SDCCAG8: variants seen among roughly 807,000 people sequenced by gnomAD.
SDCCAG8 encodes serologically defined colon cancer antigen 8.
In SDCCAG8, 74 loss-of-function variants were observed where a neutral mutation model predicts 101.8. The ratio of observed to expected loss-of-function variants is 0.73; its 90% CI spans 0.60 to 0.88. The LOEUF (loss-of-function observed/expected upper bound fraction) is 0.88, where lower values mean the gene tolerates loss of function less well. Among genes scored for constraint, SDCCAG8 ranks in the 40% least tolerant of loss-of-function variants. SDCCAG8 has a pLI of 0.00. For missense variants in SDCCAG8, 787 were observed against 822.6 expected (o/e 0.96, Z 0.53); for synonymous variants, 281 against 292.9 (o/e 0.96, Z 0.41).
chr1:243,309,017 T>C (rs1172511784), intron 8 of SDCCAG8, among the ~76,000 whole-genome samples: 2 of 152,202 alleles, frequency 1.3e-5, no homozygotes, highest in East Asian at 3.9e-4. Context: ...CTTAGGTTCC[T>C]TTCTTCTGTG....
At chr1:243,376,308 C>A (rs1335477626) in intron 12 of SDCCAG8, among the ~76,000 whole-genome samples, 2 of 152,186 alleles carry the variant, frequency 1.3e-5, no homozygotes, top group African/African-American at 4.8e-5. Context: ...AGCTTGTTAT[C>A]ACTCCGATTT....
intron 8 of SDCCAG8, among the ~76,000 whole-genome samples, chr1:243,315,635 A>C (rs1190484237): frequency 6.6e-6 from 1 of 152,186 alleles, no homozygotes; most frequent in East Asian, 1.9e-4. Flanking sequence ...TTTTACCTTT[A>C]AGAGATGTTT....
chr1:243,271,213 C>T, intron 3 of SDCCAG8, 150 bp downstream of exon 3: 1 of 639,898 alleles, frequency 1.6e-6, no homozygotes, highest in Non-Finnish European at 2.8e-6. Flanking sequence ...ATTATTTTGG[C>T]TGAAAAAATA....
chr1:243,403,851 C>T (rs1426730856), intron 13 of SDCCAG8, among the ~76,000 whole-genome samples: 1 of 152,170 alleles, frequency 6.6e-6, no homozygotes, highest in Non-Finnish European at 1.5e-5. Context: ...TTATATGTTA[C>T]AGTGTAATAA....
chr1:243,411,082 C>G (rs112107182), intron 13 of SDCCAG8, among the ~76,000 whole-genome samples: 1 of 151,990 alleles, frequency 6.6e-6, no homozygotes, highest in African/African-American at 2.4e-5. Context: ...TATTCTAGAC[C>G]ATTTGCTCCT....
intron 11 of SDCCAG8, among the ~76,000 whole-genome samples, chr1:243,342,042 A>G (rs532354314): frequency 6.6e-6 from 1 of 152,316 alleles, no homozygotes; most frequent in South Asian, 2.1e-4. Context: ...AAAGGGAGCC[A>G]TTTTACCCTT....
intron 13 of SDCCAG8, among the ~76,000 whole-genome samples, chr1:243,408,423 A>C (rs2079939799): frequency 6.6e-6 from 1 of 152,220 alleles, no homozygotes; most frequent in African/African-American, 2.4e-5. Flanking sequence ...TATGTCTTCG[A>C]GAAGGACACA....
chr1:243,483,435 G>A (rs1381460544), intron 16 of SDCCAG8, among the ~76,000 whole-genome samples: 2 of 152,086 alleles, frequency 1.3e-5, no homozygotes, highest in Admixed American at 1.3e-4. Context: ...CTTGCCTCGG[G>A]GGGAGGGTCT....
At chr1:243,377,475 G>A (rs969493860) in intron 12 of SDCCAG8, among the ~76,000 whole-genome samples, 1 of 151,948 alleles carries the variant, frequency 6.6e-6, no homozygotes, top group Non-Finnish European at 1.5e-5. Flanking sequence ...GAATGAAAAT[G>A]ATACAATTAT....
intron 12 of SDCCAG8, among the ~76,000 whole-genome samples, chr1:243,368,551 G>A (rs571982544): frequency 1.3e-5 from 2 of 152,264 alleles, no homozygotes; most frequent in African/African-American, 4.8e-5. Context: ...CATAGCTCTT[G>A]TGATACAGCT....
intron 16 of SDCCAG8, among the ~76,000 whole-genome samples, chr1:243,431,676 AAAGT>A (rs1310004776): frequency 6.6e-6 from 1 of 151,984 alleles, no homozygotes; most frequent in East Asian, 1.9e-4. Context: ...TTTTTATTTT[AAAGT>A]AAGTATCAAT....
chr1:243,420,074 T>A (rs2080885756), intron 15 of SDCCAG8, among the ~76,000 whole-genome samples: 1 of 152,246 alleles, frequency 6.6e-6, no homozygotes, highest in Non-Finnish European at 1.5e-5. Flanking sequence ...TATTCGCACC[T>A]CCTGATCTGA....
intron 7 of SDCCAG8, 31 bp from the exon 8 acceptor site, chr1:243,307,958 A>G (rs575071520): frequency 3.7e-6 from 6 of 1,611,362 alleles, no homozygotes; most frequent in Non-Finnish European, 5.1e-6. Flanking sequence ...TTACCTGGCC[A>G]TTTTCTAGAA....
At chr1:243,305,410 T>G (rs1411441805) in intron 7 of SDCCAG8, 1 of 152,140 alleles carries the variant, frequency 6.6e-6, no homozygotes, top group African/African-American at 2.4e-5. Flanking sequence ...TTCAAATTAT[T>G]AGTATTTTTT....
chr1:243,332,706 C>T (rs112115733), intron 10 of SDCCAG8, among the ~76,000 whole-genome samples: 13 of 135,116 alleles, frequency 9.6e-5, no homozygotes, highest in Admixed American at 4.5e-4. Context: ...GTGATTTTCG[C>T]GGTCCAGGTC....
chr1:243,295,041 A>G (rs954193200), intron 6 of SDCCAG8, among the ~76,000 whole-genome samples: 8 of 152,094 alleles, frequency 5.3e-5, no homozygotes, highest in Non-Finnish European at 1.0e-4. Context: ...GCTTCATTCT[A>G]CTTGGGAAAG....
chr1:243,278,876 G>A (rs1177836859), intron 4 of SDCCAG8, among the ~76,000 whole-genome samples: 1 of 152,020 alleles, frequency 6.6e-6, no homozygotes, highest in Non-Finnish European at 1.5e-5. Context: ...TTGACATCCT[G>A]GGCGCAAGTG....
In SDCCAG8 at chr1:243,496,329, CGAGGCGGAGGCGG is replaced by C. The variant is rs540777824; in HGVS notation, c.2113-3420_2113-3408del. On this transcript the variant is annotated intron_variant, in intron 17 of 17. Transcript: ENST00000366541. ...AGCCCTGGCCCCGGTGCCCAGAACA[CGAGGCGGAGGCGG>C]GAGGCGAGCCACCAAGCGAGGCAGG... 3.4e-3 allele frequency among the ~76,000 whole-genome samples: 518 copies of C among 152,268 alleles called. 2 individuals are homozygous for C. Among genetic ancestry groups the C allele is most frequent in the Admixed American group, 5.9e-3 (90 of 15,306 alleles).
intron 16 of SDCCAG8, among the ~76,000 whole-genome samples, chr1:243,431,844 G>A (rs921038181): frequency 1.3e-5 from 2 of 152,068 alleles, no homozygotes; most frequent in Admixed American, 6.5e-5. Flanking sequence ...CGGGGGTTTC[G>A]TCAATTACAC....
Sources: gnomAD v4.1 joint callset for allele counts (sites outside exome capture counted in the v4.1 genomes callset) on GRCh38, gnomAD v4.1.1 for gene constraint, MANE v1.5 for transcripts, NCBI Gene and HGNC (gene_info 2026-07-23, HGNC 2026-07-21) for gene names.